The following ZNF148 variants were observed in gnomAD, a reference collection of about 807,000 sequenced individuals.
ZNF148 encodes the protein Beta-Enolase Repressor Factor-1.
Under a neutral mutation model 67.7 loss-of-function variants are expected in ZNF148, and 7 were observed. That is an observed-to-expected ratio of 0.10 (90% CI 0.06 to 0.19). The LOEUF (loss-of-function observed/expected upper bound fraction) is 0.19, where lower values mean the gene tolerates loss of function less well. Among genes scored for constraint, ZNF148 ranks in the 10% least tolerant of loss-of-function variants. The probability of loss-of-function intolerance (pLI) is 1.00; values close to 1 mark genes in which losing one functional copy is unlikely to be tolerated. For missense variants in ZNF148, 583 were observed against 947.1 expected (o/e 0.62, Z 5.05); for synonymous variants, 333 against 330.7 (o/e 1.01, Z -0.08).
chr3:125,327,984 A>C (rs932066752), intron 2 of ZNF148, among the ~76,000 whole-genome samples: 1 of 152,024 alleles, frequency 6.6e-6, no homozygotes, highest in Admixed American at 6.6e-5. Flanking sequence ...TTTAAGTAAT[A>C]TGCTCTCAGG....
intron 2 of ZNF148, among the ~76,000 whole-genome samples, chr3:125,326,356 T>C (rs1450659959): frequency 1.3e-5 from 2 of 152,052 alleles, no homozygotes. Flanking sequence ...TACAGATGTA[T>C]ATTACAATAG....
chr3:125,365,276 C>T (rs1014649708), intron 1 of ZNF148, among the ~76,000 whole-genome samples: 1 of 151,930 alleles, frequency 6.6e-6, no homozygotes, highest in African/African-American at 2.4e-5. Flanking sequence ...AAAAATATAC[C>T]CTGAACGAAT....
At chr3:125,321,875 C>T (rs1170177831) in intron 3 of ZNF148, among the ~76,000 whole-genome samples, 1 of 151,610 alleles carries the variant, frequency 6.6e-6, no homozygotes. Flanking sequence ...AAATGTTAAA[C>T]ACCTAATTTT....
At position 125,290,620 on chromosome 3, in the gene ZNF148, C is replaced by T. The variant is rs575257643; in HGVS notation, c.334-2392G>A. Among the ~76,000 whole-genome samples the T allele has an allele frequency of 9.2e-5, 14 of 152,224 alleles. No individual in the cohort carries two copies. The South Asian group carries it at 2.9e-3, about 32-fold the overall frequency. On this transcript the variant is annotated intron_variant, in intron 4 of 8. Coordinates refer to ENST00000360647, the MANE Select transcript of ZNF148 (RefSeq NM_021964.3). ...TCATTCAACAGCTATTAAGTGCCTG[C>T]TCTGTCAGGCTAAAATACTATAACA... is the stretch of plus-strand genomic sequence containing the variant.
At chr3:125,359,068 G>A (rs1229484134) in intron 1 of ZNF148, among the ~76,000 whole-genome samples, 1 of 152,120 alleles carries the variant, frequency 6.6e-6, no homozygotes, top group African/African-American at 2.4e-5. Flanking sequence ...CCTCAACAAG[G>A]TCCAGTCTGA....
intron 3 of ZNF148, among the ~76,000 whole-genome samples, chr3:125,314,045 A>C (rs1173443483): frequency 2.0e-5 from 3 of 152,086 alleles, no homozygotes; most frequent in Non-Finnish European, 4.4e-5. Context: ...TCATCAAGCA[A>C]ATCATTTTTA....
intron 2 of ZNF148, among the ~76,000 whole-genome samples, chr3:125,326,926 T>C (rs1191249668): frequency 1.3e-5 from 2 of 150,556 alleles, no homozygotes; most frequent in African/African-American, 4.9e-5. Context: ...TCCAACCATA[T>C]CCCTAATTAA....
rs1942664700 is a variant in ZNF148 at position 125,365,203 on chromosome 3, G to A, written c.-234+9899C>T. On this transcript the variant is annotated intron_variant, in intron 1 of 8. Transcript: ENST00000360647. Reference sequence around the variant, plus strand: ...CTCCCTACCATAGAACCTTGCACATGGTAAATATAAAAATATACCCTGAAT... The same window carrying A: ...CTCCCTACCATAGAACCTTGCACATAGTAAATATAAAAATATACCCTGAAT... 2.0e-5 allele frequency among the ~76,000 whole-genome samples: 3 copies of A among 152,132 alleles called. No homozygotes were observed. The South Asian group carries it at 6.2e-4, about 32-fold the overall frequency.
At chr3:125,336,095 T>C (rs889257201) in intron 1 of ZNF148, among the ~76,000 whole-genome samples, 3 of 152,226 alleles carry the variant, frequency 2.0e-5, no homozygotes, top group African/African-American at 7.2e-5. Context: ...AGGTAATCTT[T>C]CTAGAAAATC....
At chr3:125,323,468 A>G in intron 2 of ZNF148, 24 bp from the exon 3 acceptor site, 1 of 661,812 alleles carries the variant, frequency 1.5e-6, no homozygotes, top group African/African-American at 1.8e-5. Flanking sequence ...CACACACAAC[A>G]AACATTATTT....
At chr3:125,313,132 T>C (rs1232659113) in intron 4 of ZNF148, among the ~76,000 whole-genome samples, 176 bp downstream of exon 4, 1 of 152,210 alleles carries the variant, frequency 6.6e-6, no homozygotes, top group Non-Finnish European at 1.5e-5. Context: ...TAAAATAATA[T>C]AATACAAGAA....
intron 1 of ZNF148, among the ~76,000 whole-genome samples, chr3:125,366,566 A>G (rs566238511): frequency 1.6e-4 from 24 of 152,332 alleles, no homozygotes; most frequent in African/African-American, 5.5e-4. Context: ...AACAAAATAG[A>G]TAACATCCAA....
At chr3:125,241,398 C>T (rs566985026) in intron 7 of ZNF148, among the ~76,000 whole-genome samples, 2 of 151,714 alleles carry the variant, frequency 1.3e-5, no homozygotes, top group South Asian at 2.1e-4. Context: ...GATATTCCCA[C>T]CTTCTGAGTA....
At chr3:125,332,590 A>G (rs1941334946) in intron 1 of ZNF148, among the ~76,000 whole-genome samples, 1 of 152,214 alleles carries the variant, frequency 6.6e-6, no homozygotes, top group Non-Finnish European at 1.5e-5. Flanking sequence ...TCAGCAAATC[A>G]CAGTAGCCAA....
At chr3:125,286,877 T>C (rs1938688907) in intron 5 of ZNF148, among the ~76,000 whole-genome samples, 2 of 152,218 alleles carry the variant, frequency 1.3e-5, no homozygotes, top group Admixed American at 1.3e-4. Flanking sequence ...TTAGTCTCTA[T>C]GTTTTTCAAA....
chr3:125,320,061 T>C (rs1940701485), intron 3 of ZNF148, among the ~76,000 whole-genome samples: 1 of 152,196 alleles, frequency 6.6e-6, no homozygotes, highest in Non-Finnish European at 1.5e-5. Flanking sequence ...TTCAACACTT[T>C]CCACGTTTTC....
intron 1 of ZNF148, among the ~76,000 whole-genome samples, chr3:125,366,444 G>A (rs1049355980): frequency 5.3e-5 from 8 of 152,096 alleles, no homozygotes; most frequent in Non-Finnish European, 1.0e-4. Flanking sequence ...AACTCTCTGC[G>A]TTCCAAACTA....
At chr3:125,356,614 A>G (rs903343029) in intron 1 of ZNF148, among the ~76,000 whole-genome samples, 7 of 152,196 alleles carry the variant, frequency 4.6e-5, no homozygotes, top group African/African-American at 1.7e-4. Context: ...AAATTAAGAA[A>G]CGCTCTTGTT....
intron 1 of ZNF148, among the ~76,000 whole-genome samples, chr3:125,364,603 T>C (rs1051050107): frequency 1.5e-4 from 22 of 151,716 alleles, no homozygotes; most frequent in African/African-American, 5.3e-4. Context: ...TTATACAAAA[T>C]TCAAAAACAC....
Sources: gnomAD v4.1 joint callset for allele counts (sites outside exome capture counted in the v4.1 genomes callset) on GRCh38, gnomAD v4.1.1 for gene constraint, MANE v1.5 for transcripts, NCBI Gene and HGNC (gene_info 2026-07-23, HGNC 2026-07-21) for gene names.